The following TRIM29 variants were observed in gnomAD, a reference collection of about 807,000 sequenced individuals.
TRIM29 encodes the protein tripartite motif-containing protein 29.
TRIM29 carries 52 observed loss-of-function variants against 57.3 expected under a neutral mutation model. The observed-to-expected ratio is 0.91, with a 90% CI of 0.73 to 1.14. The LOEUF is 1.14. Ranked by LOEUF, TRIM29 falls within the 50% of genes most tolerant of loss-of-function variation. TRIM29 has a pLI of 0.00. For synonymous variants in TRIM29, 319 were observed against 316.9 expected, an observed-to-expected ratio of 1.01 and a Z score of -0.07; for missense variants, 753 against 774.6, an observed-to-expected ratio of 0.97 and a Z score of 0.33.
At chr11:120,134,781 G>A (rs73575932) in intron 1 of TRIM29, among the ~76,000 whole-genome samples, 1 of 152,212 alleles carries the variant, frequency 6.6e-6, no homozygotes, top group African/African-American at 2.4e-5. Context: ...CACTGGAAGA[G>A]GGCTTAGGGG....
intron 6 of TRIM29, 82 bp downstream of exon 6, chr11:120,120,491 C>T: frequency 1.5e-6 from 2 of 1,294,648 alleles, no homozygotes; most frequent in Admixed American, 2.0e-5. Context: ...CAGCCCTGTG[C>T]CCCTGGACCC....
intron 5 of TRIM29, chr11:120,120,893 G>A: frequency 1.6e-6 from 1 of 636,286 alleles, no homozygotes; most frequent in Admixed American, 2.1e-5. Flanking sequence ...CATAAACTTG[G>A]AGAGGCCATG....
At chr11:120,123,156 C>T in intron 4 of TRIM29, 101 bp from the exon 5 acceptor site, 1 of 933,402 alleles carries the variant, frequency 1.1e-6, no homozygotes, top group Middle Eastern at 2.1e-4. Flanking sequence ...ATAGCCCTTC[C>T]CCTATCTCCC....
chr11:120,123,416 T>G (rs896158829), intron 4 of TRIM29: 1 of 475,084 alleles, frequency 2.1e-6, no homozygotes, highest in Admixed American at 2.3e-5. Flanking sequence ...GATAAGGAAA[T>G]TGAGACTCAG....
Position 120,137,354 on chromosome 11 carries a change from G to C in TRIM29, c.678C>G (p.Pro226=). Residue 226 remains proline (P), a synonymous_variant, in exon 1 of 9, where the codon CCC becomes CCG. Transcript: ENST00000341846. The surrounding 1 kb of genome is among the most constrained non-coding windows in gnomAD (Gnocchi z 6.2). ...PIRDFEARKC[P]VHGKTMELFC... is the part of the protein sequence containing the mutation. The stretch of plus-strand genomic sequence containing the variant: ...AGAGCTCCATCGTCTTGCCATGCAC[G>C]GGACACTTGCGGGCCTCAAAGTCCC... 1 of 1,613,922 alleles carries C rather than the reference G, an allele frequency of 6.2e-7. No homozygotes were observed. Among genetic ancestry groups the C allele is most frequent in the Non-Finnish European group, 8.5e-7 (1 of 1,180,018 alleles).
chr11:120,115,558 G>T, intron 7 of TRIM29, 144 bp from the exon 8 acceptor site: 1 of 702,414 alleles, frequency 1.4e-6, no homozygotes, highest in Non-Finnish European at 2.3e-6. Flanking sequence ...GAACACGCGT[G>T]CAGCAGCCAG....
intron 1 of TRIM29, among the ~76,000 whole-genome samples, chr11:120,132,406 C>T (rs1348719805): frequency 6.6e-6 from 1 of 152,198 alleles, no homozygotes; most frequent in Non-Finnish European, 1.5e-5. Flanking sequence ...CCTGCCCAGG[C>T]CTGTCCCTAA....
At chr11:120,136,053 A>G (rs1863807782) in intron 1 of TRIM29, among the ~76,000 whole-genome samples, 1 of 152,174 alleles carries the variant, frequency 6.6e-6, no homozygotes, top group Non-Finnish European at 1.5e-5. Context: ...TCCTCCCCAT[A>G]GAAGTACAGG....
At chr11:120,112,888 A>G (rs1350294482) in intron 8 of TRIM29, among the ~76,000 whole-genome samples, 1 of 152,174 alleles carries the variant, frequency 6.6e-6, no homozygotes, top group African/African-American at 2.4e-5. Context: ...CAACCACCCA[A>G]TTAAATAGAT....
chr11:120,117,511 A>T (rs1863298934), intron 7 of TRIM29: 2 of 154,224 alleles, frequency 1.3e-5, no homozygotes, highest in East Asian at 3.9e-4. Context: ...CTTCCAGGCC[A>T]GATGTTTGGG....
At chr11:120,121,783 G>A in intron 5 of TRIM29, 1 of 335,404 alleles carries the variant, frequency 3.0e-6, no homozygotes, top group South Asian at 2.3e-5. Context: ...TACAGAGCAG[G>A]AGAGACCCGC....
chr11:120,121,207 C>T (rs532129726), intron 5 of TRIM29, among the ~76,000 whole-genome samples: 2 of 152,186 alleles, frequency 1.3e-5, no homozygotes, highest in African/African-American at 2.4e-5. Context: ...TGACACCACA[C>T]CCCCATTTCC....
chr11:120,115,411 T>C lies in TRIM29; in HGVS notation c.1631A>G (p.Tyr544Cys), dbSNP rs11604169. Residue 544 changes from tyrosine to cysteine, a missense_variant, in exon 8 of 9, where the codon TAT becomes TGT. Physicochemically the swap from Tyr to Cys is radical, Grantham distance 194. Coordinates refer to ENST00000341846, the MANE Select transcript of TRIM29 (RefSeq NM_012101.4). Reference protein sequence around the residue: ...QGSSSFSLKGYPSLMRSQSPK... With the variant: ...QGSSSFSLKGCPSLMRSQSPK... ...GCTTTGGCTCCGCATGAGGGAGGGA[T>C]AGCCTGGGAAGACAAGAGATTCAGG... 23,916 of 1,613,424 alleles carry C rather than the reference T, an allele frequency of 0.015. 827 individuals are homozygous for C. Among genetic ancestry groups the C allele is most frequent in the East Asian group, 0.13 (5,984 of 44,850 alleles).
Position 120,112,484 on chromosome 11 carries a change from G to A in TRIM29, c.1705-8C>T, listed in dbSNP as rs201451763. On this transcript the variant is annotated splice_region_variant and splice_polypyrimidine_tract_variant and intron_variant, in intron 8 of 8. Transcript: ENST00000341846. Reference sequence around the variant, plus strand: ...GAATGGCCGGTAGTGAGACTGTGGGGGAAACAAGAGTGGTCAGCGAGGCCA... The same window carrying A: ...GAATGGCCGGTAGTGAGACTGTGGGAGAAACAAGAGTGGTCAGCGAGGCCA... 6.2e-6 allele frequency: 10 copies of A among 1,613,540 alleles called. No individual in the cohort carries two copies. The highest frequency in any genetic ancestry group is 1.7e-6 in the Non-Finnish European group (2 of 1,179,752).
chr11:120,131,008 GAAGCGT>G (rs1157446195), intron 1 of TRIM29, among the ~76,000 whole-genome samples: 1 of 152,200 alleles, frequency 6.6e-6, no homozygotes, highest in Non-Finnish European at 1.5e-5. Flanking sequence ...ATGCAAGAGG[GAAGCGT>G]AGCTCATGGA....
At chr11:120,115,510 C>T in intron 7 of TRIM29, 96 bp from the exon 8 acceptor site, 2 of 1,064,432 alleles carry the variant, frequency 1.9e-6, no homozygotes, top group East Asian at 2.4e-5. Flanking sequence ...AAAGTGACCA[C>T]CAAGCATCAT....
chr11:120,114,701 A>G (rs1863222991), intron 8 of TRIM29, among the ~76,000 whole-genome samples: 2 of 152,154 alleles, frequency 1.3e-5, no homozygotes, highest in African/African-American at 4.8e-5. Context: ...GGATCATCTC[A>G]GTCCCCACAT....
chr11:120,137,964 G>C lies in TRIM29; in HGVS notation c.68C>G (p.Ser23Trp). The C allele has an allele frequency of 6.2e-7, 1 of 1,606,110 alleles. No homozygotes were observed. The highest frequency in any genetic ancestry group is 8.5e-7 in the Non-Finnish European group (1 of 1,179,956). The part of the protein sequence containing the change: ...SPEARDARSP[S>W]GPSGSLENGT... The stretch of plus-strand genomic sequence containing the variant: ...ATTCTCCAGGCTGCCACTGGGGCCC[G>C]ACGGGCTCCGGGCATCCCTGGCTTC... The change falls in exon 1 of 9, where the codon TCG becomes TGG. Residue 23 changes from serine to tryptophan, a missense_variant. By Grantham distance (177) the Ser-to-Trp change is radical. Transcript: ENST00000341846. The surrounding 1 kb of genome is among the most constrained non-coding windows in gnomAD (Gnocchi z 6.2).
chr11:120,137,876 C>G lies in TRIM29; in HGVS notation c.156G>C (p.Glu52Asp). ...TTNGHGGEAA[E>D]GKSLGSALKP... ...TCAGGGCGCTGCCCAGGCTCTTGCCCTCAGCTGCCTCCCCGCCGTGCCCGT... is the reference window on the plus strand; with the variant it reads ...TCAGGGCGCTGCCCAGGCTCTTGCCGTCAGCTGCCTCCCCGCCGTGCCCGT... Residue 52 changes from glutamate to aspartate, a missense_variant, in exon 1 of 9, where the codon GAG becomes GAC. Physicochemically the swap from Glu to Asp is conservative, Grantham distance 45 (BLOSUM62 2). Coordinates refer to ENST00000341846, the MANE Select transcript of TRIM29 (RefSeq NM_012101.4). The surrounding 1 kb of genome is among the most constrained non-coding windows in gnomAD (Gnocchi z 6.2). 6.2e-7 allele frequency: 1 copy of G among 1,611,308 alleles called. No homozygotes were observed. Among genetic ancestry groups the G allele is most frequent in the Non-Finnish European group, 8.5e-7 (1 of 1,180,016 alleles).
Sources: gnomAD v4.1 joint callset for allele counts (sites outside exome capture counted in the v4.1 genomes callset) on GRCh38, gnomAD v4.1.1 for gene constraint, Gnocchi (gnomAD v3.1) non-coding constraint, MANE v1.5 for transcripts, NCBI Gene and HGNC (gene_info 2026-07-23, HGNC 2026-07-21) for gene names.